FGGY: variants seen among roughly 807,000 people sequenced by gnomAD.
FGGY encodes FGGY carbohydrate kinase domain containing.
A neutral mutation model predicts 71.3 loss-of-function variants in FGGY; 72 were observed. That is an observed-to-expected ratio of 1.01 (90% CI 0.84 to 1.23). FGGY has a LOEUF of 1.23. FGGY is among the 50% of genes most tolerant of loss of function. The probability of loss-of-function intolerance (pLI) is 0.00; values close to 1 mark genes in which losing one functional copy is unlikely to be tolerated. For missense variants in FGGY, 668 were observed against 682.3 expected (o/e 0.98, Z 0.23); for synonymous variants, 251 against 250.3 (o/e 1.00, Z -0.02).
At chr1:59,707,279 G>A (rs1558862242) in intron 14 of FGGY, among the ~76,000 whole-genome samples, 2 of 152,196 alleles carry the variant, frequency 1.3e-5, no homozygotes, top group Non-Finnish European at 2.9e-5. Context: ...AGGTCAGATA[G>A]CTAAAAAGTA....
chr1:59,436,030 T>G (rs1311225271), intron 5 of FGGY, among the ~76,000 whole-genome samples: 1 of 152,150 alleles, frequency 6.6e-6, no homozygotes, highest in Non-Finnish European at 1.5e-5. Context: ...GGATTTGAAC[T>G]GATCATGACA....
intron 13 of FGGY, among the ~76,000 whole-genome samples, chr1:59,670,440 AT>A (rs1161865299): frequency 6.6e-6 from 1 of 152,176 alleles, no homozygotes; most frequent in African/African-American, 2.4e-5. Context: ...AATTTGGGAG[AT>A]TTTTTTGGAG....
intron 14 of FGGY, among the ~76,000 whole-genome samples, chr1:59,689,579 CCTT>C (rs1216771598): frequency 1.3e-5 from 2 of 152,018 alleles, no homozygotes; most frequent in South Asian, 2.1e-4. Flanking sequence ...AACGTTAAGT[CCTT>C]CTTAGATAAT....
At chr1:59,446,346 C>T (rs1158911371) in intron 5 of FGGY, among the ~76,000 whole-genome samples, 5 of 152,064 alleles carry the variant, frequency 3.3e-5, no homozygotes, top group Admixed American at 6.6e-5. Context: ...GTCATGGCCA[C>T]GTTTGAATCA....
intron 14 of FGGY, among the ~76,000 whole-genome samples, chr1:59,705,840 T>G (rs12032216): frequency 6.6e-6 from 1 of 152,134 alleles, no homozygotes; most frequent in Non-Finnish European, 1.5e-5. Context: ...AGACCTTTTT[T>G]CCCCTGGACC....
intron 8 of FGGY, among the ~76,000 whole-genome samples, chr1:59,570,372 A>G (rs775197165): frequency 6.6e-6 from 1 of 152,218 alleles, no homozygotes; most frequent in Admixed American, 6.5e-5. Context: ...TAAATGTAAA[A>G]TTAATGTAAA....
At chr1:59,673,420 G>A (rs372920720) in intron 13 of FGGY, among the ~76,000 whole-genome samples, 1 of 152,152 alleles carries the variant, frequency 6.6e-6, no homozygotes, top group East Asian at 1.9e-4. Flanking sequence ...CCAGGACTAC[G>A]TGGCTGGAAG....
At chr1:59,348,095 C>CA (rs1405689132) in intron 4 of FGGY, among the ~76,000 whole-genome samples, 3 of 151,880 alleles carry the variant, frequency 2.0e-5, no homozygotes, top group African/African-American at 7.3e-5. Context: ...ACAATGAACT[C>CA]AAACAAATTT....
chr1:59,480,356 T>C (rs901215111), intron 6 of FGGY, among the ~76,000 whole-genome samples: 4 of 152,134 alleles, frequency 2.6e-5, no homozygotes, highest in African/African-American at 9.7e-5. Context: ...CAAGATCTGC[T>C]CTCATGGTCT....
At chr1:59,347,089 T>C (rs937137965) in intron 4 of FGGY, among the ~76,000 whole-genome samples, 2 of 67,240 alleles carry the variant, frequency 3.0e-5, no homozygotes, top group African/African-American at 6.6e-5. Context: ...TTCCTCTTTT[T>C]TTTTCGGTTA....
At chr1:59,423,327 T>C (rs1221145440) in intron 5 of FGGY, among the ~76,000 whole-genome samples, 2 of 152,196 alleles carry the variant, frequency 1.3e-5, no homozygotes, top group Admixed American at 1.3e-4. Flanking sequence ...ATCTGATTTT[T>C]TTTTCTTTGG....
intron 4 of FGGY, among the ~76,000 whole-genome samples, chr1:59,352,027 A>T (rs2053409662): frequency 6.6e-6 from 1 of 152,276 alleles, no homozygotes; most frequent in African/African-American, 2.4e-5. Flanking sequence ...TCAGGTTGAC[A>T]TTTGTCTCCT....
At chr1:59,720,083 G>A (rs560632249) in intron 14 of FGGY, among the ~76,000 whole-genome samples, 89 of 152,270 alleles carry the variant, frequency 5.8e-4, no homozygotes, top group African/African-American at 2.1e-3. Flanking sequence ...GCCTTTGTTA[G>A]CATGCCAGCA....
intron 5 of FGGY, among the ~76,000 whole-genome samples, chr1:59,394,677 C>T (rs1220801346): frequency 6.6e-6 from 1 of 152,138 alleles, no homozygotes; most frequent in Non-Finnish European, 1.5e-5. Flanking sequence ...AAATATTCAC[C>T]TTCTGGAGGG....
chr1:59,667,455 G>C, intron 13 of FGGY, 52 bp downstream of exon 13: 1 of 1,602,260 alleles, frequency 6.2e-7, no homozygotes, highest in Non-Finnish European at 8.5e-7. Flanking sequence ...GCAGCAAATG[G>C]GCATGGCCAA....
chr1:59,341,963 C>T (rs945017285), intron 3 of FGGY, among the ~76,000 whole-genome samples: 1 of 151,956 alleles, frequency 6.6e-6, no homozygotes, highest in East Asian at 1.9e-4. Flanking sequence ...GCAATTGGCA[C>T]GAGTGGGGTG....
chr1:59,641,478 C>A, intron 11 of FGGY: 1 of 706,440 alleles, frequency 1.4e-6, no homozygotes, highest in East Asian at 2.7e-5. Context: ...ATCCTAAGTT[C>A]ACATAAAAGT....
chr1:59,400,139 T>C (rs1370510817), intron 5 of FGGY, among the ~76,000 whole-genome samples: 5 of 152,196 alleles, frequency 3.3e-5, no homozygotes, highest in African/African-American at 9.6e-5. Context: ...GCAGATGTAA[T>C]ATGTTTCATG....
At chr1:59,576,892 C>T (rs116147570) in intron 8 of FGGY, among the ~76,000 whole-genome samples, 5,780 of 152,182 alleles carry the variant, frequency 0.038, 187 homozygotes, top group African/African-American at 0.085. Context: ...TGTATCCTTA[C>T]TCTGAACTTC....
Sources: gnomAD v4.1 joint callset for allele counts (sites outside exome capture counted in the v4.1 genomes callset) on GRCh38, gnomAD v4.1.1 for gene constraint, MANE v1.5 for transcripts, NCBI Gene and HGNC (gene_info 2026-07-23, HGNC 2026-07-21) for gene names.